The following NRG1 variants were observed in gnomAD, a reference collection of about 807,000 sequenced individuals.
NRG1 encodes the protein pro-neuregulin-1, membrane-bound isoform.
Under a neutral mutation model 63.8 loss-of-function variants are expected in NRG1, and 18 were observed. The ratio of observed to expected loss-of-function variants is 0.28; its 90% CI spans 0.19 to 0.42. NRG1 has a LOEUF of 0.42. Ranked by LOEUF, NRG1 falls within the 10% of genes least tolerant of loss-of-function variation. The pLI, the probability that NRG1 is intolerant of heterozygous loss-of-function variation, is 1.00. For missense variants in NRG1, 762 were observed against 814.7 expected (o/e 0.94, Z 0.79); for synonymous variants, 302 against 301.3 (o/e 1.00, Z -0.02).
intron 1 of NRG1, among the ~76,000 whole-genome samples, chr8:31,817,570 G>T (rs1823577025): frequency 1.3e-5 from 2 of 152,076 alleles, no homozygotes; most frequent in Admixed American, 1.3e-4. Flanking sequence ...CTTTATATTT[G>T]CATTTTTCTT....
chr8:31,737,394 C>A (rs1054569212), intron 1 of NRG1, among the ~76,000 whole-genome samples: 3 of 152,020 alleles, frequency 2.0e-5, no homozygotes, highest in Non-Finnish European at 4.4e-5. Context: ...GCATCATCTA[C>A]CTGACTGTGT....
intron 1 of NRG1, among the ~76,000 whole-genome samples, chr8:31,946,358 T>C (rs1802534981): frequency 6.6e-6 from 1 of 152,198 alleles, no homozygotes; most frequent in Non-Finnish European, 1.5e-5. Flanking sequence ...AGAATCTCTA[T>C]GGCTCTTCTT....
intron 9 of NRG1, among the ~76,000 whole-genome samples, chr8:32,757,371 T>C (rs1829871787): frequency 2.0e-5 from 3 of 152,196 alleles, no homozygotes; most frequent in South Asian, 2.1e-4. Context: ...TGATGTATGG[T>C]TTTTTTAATA....
intron 5 of NRG1, among the ~76,000 whole-genome samples, chr8:32,648,950 G>A (rs986603333): frequency 6.6e-6 from 1 of 152,156 alleles, no homozygotes; most frequent in African/African-American, 2.4e-5. Context: ...TACGGTGCTA[G>A]CCTCTCACTA....
intron 1 of NRG1, among the ~76,000 whole-genome samples, chr8:32,491,213 G>A (rs772380362): frequency 6.6e-5 from 10 of 151,982 alleles, no homozygotes; most frequent in Non-Finnish European, 1.0e-4. Flanking sequence ...AATTATTGTG[G>A]CTACTATTGA....
At chr8:31,712,482 A>G (rs1811878422) in intron 1 of NRG1, among the ~76,000 whole-genome samples, 1 of 151,862 alleles carries the variant, frequency 6.6e-6, no homozygotes, top group Admixed American at 6.6e-5. Context: ...GTTAGCCATG[A>G]TGGTCTCGAT....
At chr8:32,473,915 C>T (rs377739769) in intron 1 of NRG1, among the ~76,000 whole-genome samples, 2 of 152,202 alleles carry the variant, frequency 1.3e-5, no homozygotes, top group Admixed American at 1.3e-4. Context: ...TGAACCCTGG[C>T]CTCAAGCAAT....
At chr8:32,398,555 TG>T (rs1245041612) in intron 1 of NRG1, among the ~76,000 whole-genome samples, 1 of 151,944 alleles carries the variant, frequency 6.6e-6, no homozygotes, top group Non-Finnish European at 1.5e-5. Context: ...GGATTACAAG[TG>T]CCCGCCATTA....
At chr8:32,197,395 C>G (rs542022611) in intron 1 of NRG1, among the ~76,000 whole-genome samples, 21 of 152,180 alleles carry the variant, frequency 1.4e-4, no homozygotes, top group Non-Finnish European at 2.4e-4. Flanking sequence ...GGCTCATCAC[C>G]TATTGTTTCA....
chr8:32,488,366 T>G (rs1050229934), intron 1 of NRG1, among the ~76,000 whole-genome samples: 5 of 152,204 alleles, frequency 3.3e-5, no homozygotes, highest in Admixed American at 2.6e-4. Flanking sequence ...CAAGTAATCT[T>G]TCTCTTAGAA....
chr8:31,767,120 C>T (rs376241734), intron 1 of NRG1, among the ~76,000 whole-genome samples: 6 of 151,950 alleles, frequency 3.9e-5, no homozygotes, highest in East Asian at 3.9e-4. Flanking sequence ...CCTCTTAACA[C>T]GAAGAAAAGA....
chr8:32,764,044 A>T (rs752954886), exon 12 of NRG1: 2 of 1,614,056 alleles, frequency 1.2e-6, no homozygotes, highest in Non-Finnish European at 1.7e-6. Context: ...ATAGTGGAGG[A>T]TGAGGAGTAT....
intron 1 of NRG1, among the ~76,000 whole-genome samples, chr8:32,353,394 A>G (rs1211368807): frequency 1.3e-5 from 2 of 151,798 alleles, no homozygotes; most frequent in African/African-American, 4.8e-5. Context: ...ATTTACAATT[A>G]TAGAGCTATA....
At chr8:32,225,619 C>T (rs1846242390) in intron 1 of NRG1, among the ~76,000 whole-genome samples, 2 of 152,170 alleles carry the variant, frequency 1.3e-5, no homozygotes, top group Admixed American at 1.3e-4. Flanking sequence ...TGCAATACCT[C>T]ACCCAATCCT....
chr8:31,993,616 G>A (rs1312019351), intron 1 of NRG1, among the ~76,000 whole-genome samples: 1 of 151,922 alleles, frequency 6.6e-6, no homozygotes, highest in African/African-American at 2.4e-5. Context: ...TTTTGAATGT[G>A]AGGCCTCCCC....
intron 5 of NRG1, among the ~76,000 whole-genome samples, chr8:32,684,544 TA>T (rs1429775722): frequency 6.6e-6 from 1 of 152,198 alleles, no homozygotes; most frequent in East Asian, 1.9e-4. Flanking sequence ...CCATTTATAT[TA>T]TTTTGCCTTC....
At chr8:31,651,615 T>C (rs188518313) in intron 1 of NRG1, among the ~76,000 whole-genome samples, 65 of 152,266 alleles carry the variant, frequency 4.3e-4, no homozygotes, top group Non-Finnish European at 3.5e-4. Context: ...TTTTATGGTT[T>C]GGGCAAGAAA....
intron 1 of NRG1, among the ~76,000 whole-genome samples, chr8:31,689,207 G>T (rs1397109738): frequency 6.6e-6 from 1 of 152,078 alleles, no homozygotes; most frequent in Admixed American, 6.5e-5. Flanking sequence ...CTTACCACTT[G>T]CCATGTAACA....
intron 6 of NRG1, among the ~76,000 whole-genome samples, chr8:32,734,429 A>G (rs1172733449): frequency 6.6e-6 from 1 of 152,146 alleles, no homozygotes; most frequent in Non-Finnish European, 1.5e-5. Flanking sequence ...CTTTTGTTGT[A>G]TTTGTAGTAT....
Sources: allele counts gnomAD v4.1 joint callset (sites outside exome capture counted in the v4.1 genomes callset), GRCh38; gene constraint gnomAD v4.1.1; transcripts MANE v1.5; gene names NCBI Gene and HGNC (gene_info 2026-07-23, HGNC 2026-07-21).